The following RHOBTB3 variants were observed in gnomAD, a reference collection of about 807,000 sequenced individuals.
RHOBTB3 encodes Rho related BTB domain containing 3.
In RHOBTB3, 47 loss-of-function variants were observed where a neutral mutation model predicts 67.2. The observed-to-expected ratio is 0.70, with a 90% CI of 0.55 to 0.89. The LOEUF is 0.89. Among genes scored for constraint, RHOBTB3 ranks in the 40% least tolerant of loss-of-function variants. The pLI, the probability that RHOBTB3 is intolerant of heterozygous loss-of-function variation, is 0.00. For synonymous variants in RHOBTB3, 273 were observed against 274.2 expected, an observed-to-expected ratio of 1.00 and a Z score of 0.04; for missense variants, 631 against 750.0, an observed-to-expected ratio of 0.84 and a Z score of 1.85.
intron 7 of RHOBTB3, among the ~76,000 whole-genome samples, chr5:95,764,060 G>A (rs557909634): frequency 3.3e-5 from 5 of 152,154 alleles, no homozygotes; most frequent in South Asian, 4.2e-4. Flanking sequence ...TCTGCCCACC[G>A]TAGCCTCCCA....
chr5:95,729,321 TA>T (rs1234055184), upstream of RHOBTB3, among the ~76,000 whole-genome samples: 1 of 152,206 alleles, frequency 6.6e-6, no homozygotes, highest in Admixed American at 6.5e-5. Context: ...AAGTCTTATG[TA>T]CCTTGGGATC....
intron 11 of RHOBTB3, among the ~76,000 whole-genome samples, chr5:95,791,069 G>C (rs1746370775): frequency 6.6e-6 from 1 of 152,160 alleles, no homozygotes; most frequent in Admixed American, 6.5e-5. Flanking sequence ...CTGAAGTTGG[G>C]AAAGTTTCTT....
chr5:95,733,705 G>T (rs1239087203), intron 2 of RHOBTB3, among the ~76,000 whole-genome samples: 4 of 152,098 alleles, frequency 2.6e-5, no homozygotes, highest in Non-Finnish European at 2.9e-5. Flanking sequence ...AATTTTCTAG[G>T]TTATAATGAT....
chr5:95,752,632 A>G (rs781475146), intron 5 of RHOBTB3, among the ~76,000 whole-genome samples: 2 of 152,200 alleles, frequency 1.3e-5, no homozygotes, highest in Non-Finnish European at 2.9e-5. Context: ...ATTAAAGTCT[A>G]ATGCTAAGTT....
At chr5:95,759,034 CTG>C (rs907432444) in intron 6 of RHOBTB3, among the ~76,000 whole-genome samples, 1 of 152,210 alleles carries the variant, frequency 6.6e-6, no homozygotes, top group African/African-American at 2.4e-5. Flanking sequence ...TCTCAGTGCC[CTG>C]TGTGTCCCTG....
chr5:95,782,294 C>T lies in RHOBTB3; in HGVS notation c.1457-1503C>T, dbSNP rs150025304. 12 of 152,092 alleles carry T rather than the reference C, an allele frequency of 7.9e-5. No individual in the cohort carries two copies. The East Asian group carries it at 2.3e-3, about 29-fold the overall frequency. The allele number at this position is 152,092 out of a possible 1,614,324, so 9.4% of individuals were successfully genotyped here. A position where few individuals can be genotyped will look rare whatever the true frequency, so the allele number is the denominator to read the frequency against. ...GTAAGAATGTAAGGAGGGATAAGAA[C>T]GAGAATTACATGAAAAACCAGATTT... On this transcript the variant is annotated intron_variant, in intron 9 of 11. Coordinates refer to ENST00000379982, the MANE Select transcript of RHOBTB3 (RefSeq NM_014899.4).
chr5:95,767,618 A>G, intron 7 of RHOBTB3: 1 of 533,378 alleles, frequency 1.9e-6, no homozygotes, highest in Non-Finnish European at 3.4e-6. Flanking sequence ...GGCATGAGCC[A>G]CTGCACCTGG....
rs909955318 is a variant in RHOBTB3, at chr5:95,720,629, C to CT, written n.133+2875dup. 6.1e-4 allele frequency among the ~76,000 whole-genome samples: 88 copies of CT among 143,544 alleles called. 1 individual carries two copies. The highest frequency in any genetic ancestry group is 5.5e-4 in the Non-Finnish European group (36 of 65,078). 94.2% of individuals were successfully genotyped at this position (143,544 alleles called of 152,430 possible). Reference sequence around the variant, plus strand: ...ACAAAATGAAGCAAAGTAAACTCTGCTTTTTTTTTTTGGTCTGTTTTGTTT... The same window carrying CT: ...ACAAAATGAAGCAAAGTAAACTCTGCTTTTTTTTTTTTGGTCTGTTTTGTTT... On this transcript the variant is annotated intron_variant and non_coding_transcript_variant, in intron 1 of 5. Transcript: ENST00000504949.
intron 8 of RHOBTB3, among the ~76,000 whole-genome samples, chr5:95,777,523 A>T (rs938903806): frequency 6.6e-6 from 1 of 152,218 alleles, no homozygotes; most frequent in African/African-American, 2.4e-5. Flanking sequence ...AAGGAACATG[A>T]TTATCTTTTA....
chr5:95,770,671 G>T (rs1200351545), intron 8 of RHOBTB3: 2 of 489,502 alleles, frequency 4.1e-6, no homozygotes. Context: ...CCCTGGAATG[G>T]GTGCGGTAGG....
At position 95,748,345 on chromosome 5, in the gene RHOBTB3, G is replaced by A; in HGVS notation, c.428G>A (p.Cys143Tyr). ...TTTGTTTTCTCAGAAGAGTTACCTTGTACATGCCCACTATGTACCTCAGAC... is the reference window on the plus strand; with the variant it reads ...TTTGTTTTCTCAGAAGAGTTACCTTATACATGCCCACTATGTACCTCAGAC... ...VGTRQNEELP[C>Y]TCPLCTSDRG... Residue 143 changes from cysteine to tyrosine, a missense_variant, in exon 4 of 12, where the codon TGT becomes TAT. Coordinates refer to ENST00000379982, the MANE Select transcript of RHOBTB3 (RefSeq NM_014899.4). The A allele has an allele frequency of 6.2e-7, 1 of 1,604,642 alleles. No individual in the cohort carries two copies. Among genetic ancestry groups the A allele is most frequent in the Non-Finnish European group, 8.5e-7 (1 of 1,176,082 alleles).
intron 6 of RHOBTB3, among the ~76,000 whole-genome samples, chr5:95,757,014 G>T (rs1745265611): frequency 6.6e-6 from 1 of 152,150 alleles, no homozygotes; most frequent in Non-Finnish European, 1.5e-5. Context: ...GGGCGTGAAA[G>T]AGAGAATTGC....
chr5:95,730,273 C>T (rs752509212), upstream of RHOBTB3, among the ~76,000 whole-genome samples: 1 of 152,150 alleles, frequency 6.6e-6, no homozygotes, highest in Admixed American at 6.5e-5. Context: ...AGAAAAGAAA[C>T]AGTCCAATTT....
chr5:95,758,546 G>T (rs1745311413), intron 6 of RHOBTB3, among the ~76,000 whole-genome samples: 1 of 152,162 alleles, frequency 6.6e-6, no homozygotes, highest in South Asian at 2.1e-4. Context: ...TGATCAGACT[G>T]GGCTTTAGAA....
At chr5:95,771,318 T>G (rs540294090) in intron 8 of RHOBTB3, among the ~76,000 whole-genome samples, 1 of 152,356 alleles carries the variant, frequency 6.6e-6, no homozygotes, top group East Asian at 1.9e-4. Context: ...AGTAGAATTG[T>G]GTAGCAGCGA....
intron 6 of RHOBTB3, among the ~76,000 whole-genome samples, chr5:95,762,821 CT>C (rs1745432210): frequency 6.6e-6 from 1 of 152,126 alleles, no homozygotes; most frequent in Admixed American, 6.5e-5. Flanking sequence ...AAAAGGTCAG[CT>C]TTTGCTGACC....
At chr5:95,788,437 G>A (rs866101390) in intron 10 of RHOBTB3, among the ~76,000 whole-genome samples, 6 of 152,134 alleles carry the variant, frequency 3.9e-5, no homozygotes, top group African/African-American at 7.2e-5. Context: ...ATTGAAGTCC[G>A]TGGCTTCAGA....
intron 10 of RHOBTB3, among the ~76,000 whole-genome samples, chr5:95,787,231 CAGT>C (rs1325535789): frequency 6.6e-6 from 1 of 152,014 alleles, no homozygotes; most frequent in Non-Finnish European, 1.5e-5. Flanking sequence ...AATCACGTAA[CAGT>C]AGTGGTGGCT....
At chr5:95,791,809 G>A (rs1012631562) in intron 11 of RHOBTB3, among the ~76,000 whole-genome samples, 3 of 151,996 alleles carry the variant, frequency 2.0e-5, no homozygotes, top group Non-Finnish European at 2.9e-5. Context: ...GCCTCCCAAA[G>A]TGGTGGGATT....
Sources: allele counts gnomAD v4.1 joint callset (sites outside exome capture counted in the v4.1 genomes callset), GRCh38; gene constraint gnomAD v4.1.1; transcripts MANE v1.5; gene names NCBI Gene and HGNC (gene_info 2026-07-23, HGNC 2026-07-21).